TBL1X: variants seen among roughly 807,000 people sequenced by gnomAD.
TBL1X encodes transducin beta like 1 X-linked, also known as F-box-like/WD repeat-containing protein TBL1X.
A neutral mutation model predicts 50.7 loss-of-function variants in TBL1X; 10 were observed. The ratio of observed to expected loss-of-function variants is 0.20; its 90% CI spans 0.12 to 0.33. TBL1X has a LOEUF of 0.33. TBL1X is among the 10% of genes least tolerant of loss of function. TBL1X has a pLI of 1.00. For synonymous variants in TBL1X, 190 were observed against 214.7 expected (o/e 0.88, Z 1.01); for missense variants, 340 against 504.4 (o/e 0.67, Z 3.12).
At chrX:9,623,188 G>A (rs916104448) in intron 2 of TBL1X, among the ~76,000 whole-genome samples, 16 of 112,084 alleles carry the variant, frequency 1.4e-4, no homozygotes, top group Non-Finnish European at 7.5e-5. Flanking sequence ...TTTTGTACAG[G>A]CAACATGCTA....
chrX:9,500,348 A>G (rs1397197666), intron 1 of TBL1X, among the ~76,000 whole-genome samples: 4 of 106,966 alleles, frequency 3.7e-5, no homozygotes, highest in African/African-American at 1.4e-4. Context: ...TAATTCCAGC[A>G]CTTTGGGAGG....
intron 2 of TBL1X, among the ~76,000 whole-genome samples, chrX:9,557,580 C>T (rs184314483): frequency 9.0e-5 from 10 of 111,124 alleles, no homozygotes; most frequent in Admixed American, 8.6e-4. Flanking sequence ...TCCTGGACTT[C>T]GGAGTAAAGG....
chrX:9,612,491 T>TA (rs1379184918), intron 2 of TBL1X, among the ~76,000 whole-genome samples: 2 of 112,436 alleles, frequency 1.8e-5, no homozygotes, highest in Non-Finnish European at 3.7e-5. Context: ...TACTGTGTAT[T>TA]AAATTATTAT....
Position 9,718,101 on chromosome X carries a change from C to T in TBL1X, c.*1855C>T, listed in dbSNP as rs1260421664. The T allele has an allele frequency of 9.0e-6, 1 of 110,639 alleles. No individual in the cohort carries two copies. Among genetic ancestry groups the T allele is most frequent in the Non-Finnish European group, 1.9e-5 (1 of 52,948 alleles). The allele number at this position is 110,639 out of a possible 1,213,427, so 9.1% of individuals were successfully genotyped here. On this transcript the variant is annotated 3_prime_UTR_variant, in exon 18 of 18. Coordinates refer to ENST00000645353, the MANE Select transcript of TBL1X (RefSeq NM_005647.4). The stretch of plus-strand genomic sequence containing the variant: ...ATTGGTTTTCCTGTGGGCAGAAGGG[C>T]TGAGGAAGATGGCCCAGCCCGTGGG...
rs1208320245 is a variant in TBL1X, at chrX:9,716,403, T to C, written c.*157T>C. On this transcript the variant is annotated 3_prime_UTR_variant, in exon 18 of 18. Transcript: ENST00000645353. ...GGCCGCAGGAGTCTATATGTTTTCG[T>C]AATCTTCATCAAGAAGTTTTTAAAA... 3 of 522,218 alleles carry C rather than the reference T, an allele frequency of 5.7e-6. No homozygotes were observed. The highest frequency in any genetic ancestry group is 8.9e-6 in the Non-Finnish European group (3 of 335,680). 43.0% of individuals were successfully genotyped at this position (522,218 alleles called of 1,213,427 possible). A position where few individuals can be genotyped will look rare whatever the true frequency, so the allele number is the denominator to read the frequency against.
chrX:9,694,993 A>AATAAAT (rs2146641245), intron 11 of TBL1X, among the ~76,000 whole-genome samples: 1 of 108,741 alleles, frequency 9.2e-6, no homozygotes, highest in South Asian at 3.7e-4. Flanking sequence ...TAAATAAATA[A>AATAAAT]ATAAAATGAT....
intron 5 of TBL1X, among the ~76,000 whole-genome samples, chrX:9,654,776 T>C (rs1012819989): frequency 1.8e-4 from 20 of 111,174 alleles, no homozygotes; most frequent in Admixed American, 1.7e-3. Context: ...TCCAACATTT[T>C]TGATTACCAC....
At chrX:9,510,134 G>A (rs1426129734) in intron 2 of TBL1X, among the ~76,000 whole-genome samples, 1 of 111,202 alleles carries the variant, frequency 9.0e-6, no homozygotes, top group Non-Finnish European at 1.9e-5. Context: ...ATGGGGTGGG[G>A]GTGCTATGGC....
intron 5 of TBL1X, among the ~76,000 whole-genome samples, chrX:9,663,887 A>T (rs2082912571): frequency 9.0e-6 from 1 of 110,757 alleles, no homozygotes; most frequent in Non-Finnish European, 1.9e-5. Flanking sequence ...TGGAGTAGGG[A>T]TGGGAGCACG....
At chrX:9,687,684 C>T (rs2083068348) in intron 6 of TBL1X, among the ~76,000 whole-genome samples, 1 of 104,778 alleles carries the variant, frequency 9.5e-6, no homozygotes, top group African/African-American at 3.5e-5. Context: ...ACCCCCCGCC[C>T]CCGCCACGTT....
rs183188932 is a variant in TBL1X, at chrX:9,654,405, G to T, written c.211+83G>T. 2.1e-3 allele frequency: 1,921 copies of T among 893,851 alleles called. 20 individuals carry two copies. In the African/African-American group the frequency reaches 0.037, roughly 17 times the overall value. 73.7% of individuals were successfully genotyped at this position (893,851 alleles called of 1,213,427 possible). A position where few individuals can be genotyped will look rare whatever the true frequency, so the allele number is the denominator to read the frequency against. On this transcript the variant is annotated intron_variant, in intron 5 of 17. Transcript: ENST00000645353. Reference sequence around the variant, plus strand: ...AGGATCAACGCTTAATTCAAAACCAGGCTGTAGAAGAAGAAGAAGAAGAGC... The same window carrying T: ...AGGATCAACGCTTAATTCAAAACCATGCTGTAGAAGAAGAAGAAGAAGAGC...
In TBL1X at chrX:9,661,771, C is replaced by T. The variant is rs149564139; in HGVS notation, c.211+7449C>T. Reference sequence around the variant, plus strand: ...GGCAGATGACCCAGCAAGTTCACAGCGGGTAAGCTGGCGTGGGTCTCGGTT... The same window carrying T: ...GGCAGATGACCCAGCAAGTTCACAGTGGGTAAGCTGGCGTGGGTCTCGGTT... On this transcript the variant is annotated intron_variant, in intron 5 of 17. Coordinates refer to ENST00000645353, the MANE Select transcript of TBL1X (RefSeq NM_005647.4). 2.2e-3 allele frequency among the ~76,000 whole-genome samples: 247 copies of T among 111,166 alleles called. 3 individuals are homozygous for T. Among genetic ancestry groups the T allele is most frequent in the African/African-American group, 7.5e-3 (230 of 30,568 alleles).
intron 2 of TBL1X, among the ~76,000 whole-genome samples, chrX:9,599,573 A>T (rs2521402): frequency 9.0e-6 from 1 of 110,547 alleles, no homozygotes; most frequent in African/African-American, 3.3e-5. Flanking sequence ...AGGTGGCCAG[A>T]CTAGAGTCTT....
At chrX:9,674,860 A>G (rs776168374) in intron 5 of TBL1X, among the ~76,000 whole-genome samples, 325 of 111,487 alleles carry the variant, frequency 2.9e-3, no homozygotes, top group Non-Finnish European at 5.1e-3. Context: ...GATTACAGGC[A>G]TAAGCCACCA....
intron 2 of TBL1X, among the ~76,000 whole-genome samples, chrX:9,527,380 G>A (rs1271645703): frequency 9.0e-6 from 1 of 111,465 alleles, no homozygotes; most frequent in Admixed American, 9.5e-5. Context: ...ATTGTAGTAC[G>A]ACCTTTTTTT....
intron 2 of TBL1X, among the ~76,000 whole-genome samples, chrX:9,570,747 G>A (rs1337236458): frequency 2.0e-5 from 2 of 101,542 alleles, no homozygotes. Context: ...GCGCCATCTC[G>A]GCTCACTGCA....
intron 1 of TBL1X, 53 bp from the exon 2 acceptor site, chrX:9,501,727 A>G (rs188255710): frequency 3.6e-5 from 4 of 111,602 alleles, no homozygotes; most frequent in Non-Finnish European, 5.7e-5. Flanking sequence ...TTGATATACT[A>G]TTATGCTGTT....
At chrX:9,501,481 G>A (rs1266190250) in intron 1 of TBL1X, among the ~76,000 whole-genome samples, 2 of 111,281 alleles carry the variant, frequency 1.8e-5, no homozygotes, top group Non-Finnish European at 3.8e-5. Context: ...TGCTTCTCTT[G>A]CTCCTTGGAC....
At chrX:9,531,394 TGTGTGTGTTG>T (rs1225644208) in intron 2 of TBL1X, among the ~76,000 whole-genome samples, 2 of 106,617 alleles carry the variant, frequency 1.9e-5, no homozygotes, top group East Asian at 2.9e-4. Context: ...TGTGTGTGTG[TGTGTGTGTTG>T]GTGTGTGTTG....
Sources: gnomAD v4.1 joint callset for allele counts (sites outside exome capture counted in the v4.1 genomes callset) on GRCh38, gnomAD v4.1.1 for gene constraint, MANE v1.5 for transcripts, NCBI Gene and HGNC (gene_info 2026-07-23, HGNC 2026-07-21) for gene names.